Variants in KCNMA1 observed in about 807,000 individuals in gnomAD.
KCNMA1 encodes the protein Calcium-activated potassium channel subunit alpha-1.
In KCNMA1, 29 loss-of-function variants were observed where a neutral mutation model predicts 140.0. The ratio of observed to expected loss-of-function variants is 0.21; its 90% CI spans 0.15 to 0.28. The LOEUF is 0.28. KCNMA1 is among the 10% of genes least tolerant of loss of function. The pLI is 1.00. For missense variants in KCNMA1, 880 were observed against 1,602.2 expected (o/e 0.55, Z 7.70); for synonymous variants, 612 against 611.9 (o/e 1.00, Z 0.00).
intron 19 of KCNMA1, among the ~76,000 whole-genome samples, chr10:76,987,240 C>T (rs2081520087): frequency 6.6e-6 from 1 of 152,064 alleles, no homozygotes; most frequent in Admixed American, 6.6e-5. Flanking sequence ...ATTCAAAGAC[C>T]AATTTTGACT....
At chr10:77,443,470 C>T (rs7922645) in intron 1 of KCNMA1, among the ~76,000 whole-genome samples, 37,696 of 151,768 alleles carry the variant, frequency 0.25, 6,254 homozygotes, top group African/African-American at 0.47. Flanking sequence ...CAGGGTGAGA[C>T]GCTGCCAGTT....
At position 77,258,198 on chromosome 10, in the gene KCNMA1, T is replaced by C. The variant is rs540000203; in HGVS notation, c.541-6942A>G. ...GGCTTGAAAAGGTAGCCCTCACTTATGCTAACTGTAAACCATGTATACATA... is the reference window on the plus strand; with the variant it reads ...GGCTTGAAAAGGTAGCCCTCACTTACGCTAACTGTAAACCATGTATACATA... On this transcript the variant is annotated intron_variant, in intron 2 of 27. Coordinates refer to ENST00000286628, the MANE Select transcript of KCNMA1 (RefSeq NM_001161352.2). Among the ~76,000 whole-genome samples the C allele has an allele frequency of 2.0e-5, 3 of 152,374 alleles. No individual in the cohort carries two copies. The East Asian group carries it at 5.8e-4, about 29-fold the overall frequency.
intron 22 of KCNMA1, 90 bp downstream of exon 22, chr10:76,949,052 T>C (rs2065289349): frequency 1.9e-6 from 2 of 1,047,716 alleles, no homozygotes; most frequent in East Asian, 2.4e-5. Flanking sequence ...AGCACAGGCA[T>C]GATCAAAGCT....
At chr10:77,250,784 C>A (rs961849920) in intron 3 of KCNMA1, 1 of 225,728 alleles carries the variant, frequency 4.4e-6, no homozygotes, top group South Asian at 6.7e-5. Flanking sequence ...CATTGGAAAC[C>A]CAATTGAGAA....
At position 76,887,835 on chromosome 10, in the gene KCNMA1, C is replaced by T. The variant is rs558062715; in HGVS notation, c.3462-320G>A. 281 of 370,770 alleles carry T rather than the reference C, an allele frequency of 7.6e-4. 1 individual carries two copies. Among genetic ancestry groups the T allele is most frequent in the Middle Eastern group, 2.5e-3 (3 of 1,214 alleles). 23.0% of individuals were successfully genotyped at this position (370,770 alleles called of 1,614,324 possible). A position where few individuals can be genotyped will look rare whatever the true frequency, so the allele number is the denominator to read the frequency against. Reference sequence around the variant, plus strand: ...CAAAGTCACTTTCAAGTAGCCCAACCGCAAGAGGTTTCATGAAGTGTGATG... The same window carrying T: ...CAAAGTCACTTTCAAGTAGCCCAACTGCAAGAGGTTTCATGAAGTGTGATG... On this transcript the variant is annotated intron_variant, in intron 27 of 27. Transcript: ENST00000286628.
chr10:76,880,761 A>G (rs1282531580), downstream of KCNMA1, among the ~76,000 whole-genome samples: 3 of 152,184 alleles, frequency 2.0e-5, no homozygotes, highest in Admixed American at 6.5e-5. Context: ...AAGCAGCTCT[A>G]ATGAATGCTG....
intron 5 of KCNMA1, among the ~76,000 whole-genome samples, chr10:77,149,315 A>G (rs2098376163): frequency 6.6e-6 from 1 of 152,208 alleles, no homozygotes; most frequent in Admixed American, 6.5e-5. Context: ...TCTGGAATAA[A>G]GCGATGTCAT....
At chr10:77,157,217 G>A (rs993600086) in intron 5 of KCNMA1, among the ~76,000 whole-genome samples, 5 of 152,154 alleles carry the variant, frequency 3.3e-5, no homozygotes, top group South Asian at 2.1e-4. Context: ...TGAGGCAGGC[G>A]GGTCCCGAGG....
chr10:77,579,949 G>A (rs2619613), intron 1 of KCNMA1, among the ~76,000 whole-genome samples: 139,165 of 152,292 alleles, frequency 0.91, 63,729 homozygotes, highest in South Asian at 0.97. Flanking sequence ...ACAGCCTCTC[G>A]TCCTAGCAAA....
In KCNMA1 at chr10:77,060,170, C is replaced by A. The variant is rs12220157; in HGVS notation, c.1749+12927G>T. On this transcript the variant is annotated intron_variant, in intron 14 of 27. Transcript: ENST00000286628. ...TCTATAGGTTTAATACAATTCCAAT[C>A]AAAACACAGGAGGAATTTTTTTTAG... Among the ~76,000 whole-genome samples the A allele has an allele frequency of 0.05, 7,544 of 150,572 alleles. 858 individuals are homozygous for A. In the East Asian group the frequency reaches 0.52, roughly 10 times the overall value.
intron 1 of KCNMA1, among the ~76,000 whole-genome samples, chr10:77,473,244 C>T (rs937234479): frequency 9.2e-5 from 14 of 152,342 alleles, no homozygotes; most frequent in Non-Finnish European, 5.9e-5. Context: ...TCATCTCAAC[C>T]CAGAATTACA....
intron 2 of KCNMA1, among the ~76,000 whole-genome samples, chr10:77,359,304 T>C (rs925717869): frequency 2.6e-5 from 4 of 152,002 alleles, no homozygotes; most frequent in African/African-American, 9.7e-5. Flanking sequence ...AGTGTGTCGG[T>C]ATGTGTGTGT....
chr10:77,483,195 T>G (rs1225959644), intron 1 of KCNMA1, among the ~76,000 whole-genome samples: 1 of 152,096 alleles, frequency 6.6e-6, no homozygotes, highest in Middle Eastern at 3.2e-3. Context: ...GATTTCTGTT[T>G]TAATTTCTTT....
intron 9 of KCNMA1, among the ~76,000 whole-genome samples, chr10:77,098,539 A>T (rs1390461813): frequency 6.6e-6 from 1 of 151,648 alleles, no homozygotes; most frequent in Non-Finnish European, 1.5e-5. Flanking sequence ...CTTGCTCTTC[A>T]GTTTTTCATT....
At chr10:77,563,123 ATTC>A (rs771853665) in intron 1 of KCNMA1, among the ~76,000 whole-genome samples, 11 of 152,038 alleles carry the variant, frequency 7.2e-5, no homozygotes, top group African/African-American at 2.4e-4. Context: ...ACATGGTAAG[ATTC>A]TTTTTTTTTC....
intron 3 of KCNMA1, among the ~76,000 whole-genome samples, chr10:77,226,784 C>A (rs1599275035): frequency 6.6e-6 from 1 of 152,202 alleles, no homozygotes; most frequent in South Asian, 2.1e-4. Flanking sequence ...TGAGGGGCTT[C>A]AGGTAAAAGA....
intron 21 of KCNMA1, 116 bp from the exon 22 acceptor site, chr10:76,949,482 T>A (rs1200186434): frequency 1.2e-6 from 1 of 843,976 alleles, no homozygotes; most frequent in Non-Finnish European, 2.0e-6. Context: ...GAGCTTACTA[T>A]GTGCTATTAT....
chr10:76,995,608 G>A (rs949154964), intron 19 of KCNMA1: 8 of 470,930 alleles, frequency 1.7e-5, no homozygotes, highest in Admixed American at 1.6e-4. Context: ...TGGAAGATGA[G>A]GAGCTAACTG....
intron 9 of KCNMA1, among the ~76,000 whole-genome samples, chr10:77,101,696 A>G (rs1459292280): frequency 6.6e-5 from 10 of 152,168 alleles, no homozygotes; most frequent in Admixed American, 2.6e-4. Context: ...CTTCAGTCAC[A>G]TTTCGACCAG....
Sources: gnomAD v4.1 joint callset for allele counts (sites outside exome capture counted in the v4.1 genomes callset) on GRCh38, gnomAD v4.1.1 for gene constraint, MANE v1.5 for transcripts, NCBI Gene and HGNC (gene_info 2026-07-23, HGNC 2026-07-21) for gene names.